Variants in CLEC16A observed in about 807,000 individuals in gnomAD.
CLEC16A encodes C-type lectin domain containing 16A.
Under a neutral mutation model 109.5 loss-of-function variants are expected in CLEC16A, and 51 were observed. That is an observed-to-expected ratio of 0.47 (90% CI 0.37 to 0.59). The LOEUF is 0.59. CLEC16A is among the 20% of genes least tolerant of loss of function. CLEC16A has a pLI of 0.00. For missense variants in CLEC16A, 1,339 were observed against 1,394.0 expected (o/e 0.96, Z 0.63); for synonymous variants, 673 against 564.2 (o/e 1.19, Z -2.73).
At chr16:11,034,969 C>T (rs1040794374) in intron 13 of CLEC16A, among the ~76,000 whole-genome samples, 3 of 151,996 alleles carry the variant, frequency 2.0e-5, no homozygotes, top group African/African-American at 7.2e-5. Context: ...ACACAGGAGC[C>T]GTCTTACCTT....
At chr16:11,110,492 G>A (rs192314082) in intron 19 of CLEC16A, among the ~76,000 whole-genome samples, 373 of 152,172 alleles carry the variant, frequency 2.5e-3, no homozygotes, top group Non-Finnish European at 4.0e-3. Context: ...AAAAACAACC[G>A]AAAACCATGA....
intron 19 of CLEC16A, among the ~76,000 whole-genome samples, chr16:11,068,897 C>A (rs2048906920): frequency 1.3e-5 from 2 of 152,196 alleles, no homozygotes; most frequent in South Asian, 4.1e-4. Context: ...TCGCTGCAAG[C>A]TCCACCTCCC....
chr16:11,099,305 G>A lies in CLEC16A; in HGVS notation c.2117-21310G>A, dbSNP rs557836375. ...CTCGTTTTCTTCCCTCTAACCCTTC[G>A]CTGTCCAACACGGTAGCCACTTGTG... On this transcript the variant is annotated intron_variant, in intron 19 of 23. Coordinates refer to ENST00000409790, the MANE Select transcript of CLEC16A (RefSeq NM_015226.3). Among the ~76,000 whole-genome samples, 379 of 152,286 alleles carry A rather than the reference G, an allele frequency of 2.5e-3. 1 individual carries two copies. Among genetic ancestry groups the A allele is most frequent in the African/African-American group, 8.7e-3 (363 of 41,562 alleles).
At chr16:11,168,138 C>G (rs1033514411) in intron 23 of CLEC16A, among the ~76,000 whole-genome samples, 2 of 152,120 alleles carry the variant, frequency 1.3e-5, no homozygotes, top group East Asian at 3.8e-4. Flanking sequence ...CAAAAATGAT[C>G]AAAAATGGGC....
chr16:11,032,064 A>G (rs2046771918), intron 13 of CLEC16A, among the ~76,000 whole-genome samples: 1 of 152,178 alleles, frequency 6.6e-6, no homozygotes. Context: ...TGTCAGCACA[A>G]TAGAGGGTCA....
chr16:10,979,243 C>T, intron 8 of CLEC16A, 86 bp from the exon 9 acceptor site: 1 of 1,282,960 alleles, frequency 7.8e-7, no homozygotes. Context: ...CCTTTGTTCA[C>T]ACAGAAGGCT....
chr16:10,982,832 A>G (rs770606579), intron 9 of CLEC16A, 46 bp from the exon 10 acceptor site: 5 of 1,162,194 alleles, frequency 4.3e-6, no homozygotes, highest in Non-Finnish European at 6.4e-6. Flanking sequence ...GAGGTTGAAA[A>G]TACCGCACAC....
intron 13 of CLEC16A, among the ~76,000 whole-genome samples, chr16:11,039,358 C>G (rs1230411878): frequency 1.3e-5 from 2 of 152,132 alleles, no homozygotes; most frequent in Non-Finnish European, 2.9e-5. Context: ...TGCATCAATC[C>G]TGATTTCCTA....
chr16:11,052,909 T>C (rs2048025109), intron 18 of CLEC16A, among the ~76,000 whole-genome samples: 1 of 151,724 alleles, frequency 6.6e-6, no homozygotes, highest in African/African-American at 2.4e-5. Flanking sequence ...GTTGTTGTTG[T>C]TTTGGAGGCT....
At chr16:10,992,443 C>A (rs2044076335) in intron 10 of CLEC16A, among the ~76,000 whole-genome samples, 1 of 151,688 alleles carries the variant, frequency 6.6e-6, no homozygotes, top group African/African-American at 2.4e-5. Context: ...GATGGATATG[C>A]TAAGTACCCT....
At chr16:11,167,974 C>G (rs981037846) in intron 23 of CLEC16A, among the ~76,000 whole-genome samples, 1 of 152,200 alleles carries the variant, frequency 6.6e-6, no homozygotes, top group African/African-American at 2.4e-5. Flanking sequence ...CCCCAACGCA[C>G]ATATTTACCG....
At chr16:11,075,292 T>C (rs1403285075) in intron 19 of CLEC16A, among the ~76,000 whole-genome samples, 2 of 151,818 alleles carry the variant, frequency 1.3e-5, no homozygotes, top group African/African-American at 4.8e-5. Flanking sequence ...AGCTTCTGGG[T>C]GCAGCTGCAC....
chr16:10,975,475 C>T (rs1394611534), intron 7 of CLEC16A, among the ~76,000 whole-genome samples: 1 of 152,076 alleles, frequency 6.6e-6, no homozygotes, highest in African/African-American at 2.4e-5. Flanking sequence ...AAAAGTGAGG[C>T]ACTTTAAATA....
chr16:11,086,903 TTC>T (rs1452503897), intron 19 of CLEC16A, among the ~76,000 whole-genome samples: 2 of 152,164 alleles, frequency 1.3e-5, no homozygotes, highest in African/African-American at 4.8e-5. Flanking sequence ...ACAGAGGCAG[TTC>T]TGTGTCTGGG....
At chr16:11,066,520 C>T (rs1216330265) in intron 19 of CLEC16A, 1 of 152,392 alleles carries the variant, frequency 6.6e-6, no homozygotes, top group East Asian at 1.9e-4. Context: ...GGAGCTCAGC[C>T]AGGATGTCCG....
chr16:11,086,034 A>T (rs1329922265), intron 19 of CLEC16A, among the ~76,000 whole-genome samples: 1 of 152,228 alleles, frequency 6.6e-6, no homozygotes, highest in Non-Finnish European at 1.5e-5. Context: ...GCCGCTTCAC[A>T]GGGAGTCAGT....
intron 1 of CLEC16A, 141 bp from the exon 2 acceptor site, chr16:10,957,641 A>G (rs1202901963): frequency 1.6e-5 from 13 of 807,552 alleles, no homozygotes; most frequent in Middle Eastern, 3.0e-4. Context: ...TGTGAGTTAC[A>G]TCTAATCTGA....
At chr16:11,027,897 G>C in intron 13 of CLEC16A, 1 of 616,238 alleles carries the variant, frequency 1.6e-6, no homozygotes, top group Non-Finnish European at 2.9e-6. Flanking sequence ...GGAAAGGAAG[G>C]GTCAAAGAAA....
At chr16:10,981,474 A>G (rs1011376941) in intron 9 of CLEC16A, among the ~76,000 whole-genome samples, 5 of 152,220 alleles carry the variant, frequency 3.3e-5, no homozygotes, top group African/African-American at 1.2e-4. Context: ...GAGGTGCCAC[A>G]TGGCCATTCT....
Sources: gnomAD v4.1 joint callset for allele counts (sites outside exome capture counted in the v4.1 genomes callset) on GRCh38, gnomAD v4.1.1 for gene constraint, MANE v1.5 for transcripts, NCBI Gene and HGNC (gene_info 2026-07-23, HGNC 2026-07-21) for gene names.